Variants in NR1D2 observed in about 807,000 individuals in gnomAD.
NR1D2 encodes the protein nuclear receptor subfamily 1 group D member 2.
A neutral mutation model predicts 52.2 loss-of-function variants in NR1D2; 25 were observed. The observed-to-expected ratio is 0.48, with a 90% CI of 0.35 to 0.67. The LOEUF is 0.67. Ranked by LOEUF, NR1D2 falls within the 30% of genes least tolerant of loss-of-function variation. NR1D2 has a pLI of 0.01. For missense variants in NR1D2, 681 were observed against 707.2 expected, an observed-to-expected ratio of 0.96 and a Z score of 0.42; for synonymous variants, 259 against 230.1, an observed-to-expected ratio of 1.13 and a Z score of -1.14.
At chr3:23,959,574 A>T in intron 3 of NR1D2, 97 bp from the exon 4 acceptor site, 1 of 1,085,364 alleles carries the variant, frequency 9.2e-7, no homozygotes, top group Non-Finnish European at 1.3e-6. Context: ...CTGGGACTGT[A>T]GTTCGTCATA....
intron 1 of NR1D2, among the ~76,000 whole-genome samples, chr3:23,947,008 C>T (rs919780576): frequency 2.6e-5 from 4 of 152,110 alleles, no homozygotes; most frequent in Admixed American, 6.6e-5. Context: ...ATTTTATTTA[C>T]GTATTTTTAG....
chr3:23,958,918 C>T (rs1386233972), intron 3 of NR1D2, among the ~76,000 whole-genome samples: 1 of 151,864 alleles, frequency 6.6e-6, no homozygotes, highest in East Asian at 1.9e-4. Flanking sequence ...CACTGCACTC[C>T]AGCCCGGGCT....
In NR1D2 at chr3:23,962,070, G is replaced by C. The variant is rs776017694; in HGVS notation, c.611G>C (p.Ser204Thr). 4.3e-6 allele frequency: 7 copies of C among 1,614,170 alleles called. No homozygotes were observed. The highest frequency in any genetic ancestry group is 5.9e-6 in the Non-Finnish European group (7 of 1,180,022). Residue 204 changes from serine (S) to threonine (T), a missense_variant, in exon 5 of 8, where the codon AGT becomes ACT. Ser to Thr is a moderately conservative substitution (Grantham distance 58). This residue lies in a region of NR1D2 where 475 missense variants were observed against 454.5 expected (regional missense o/e 1.05). Transcript: ENST00000312521. ...AAGACCATGATGAACAGCCAGTTCAGTGGTCACTTGCAAAATGACACATTA... is the reference window on the plus strand; with the variant it reads ...AAGACCATGATGAACAGCCAGTTCACTGGTCACTTGCAAAATGACACATTA... ...AMKTMMNSQF[S>T]GHLQNDTLVE...
At chr3:23,959,348 T>C (rs1358237937) in intron 3 of NR1D2, among the ~76,000 whole-genome samples, 1 of 152,026 alleles carries the variant, frequency 6.6e-6, no homozygotes, top group Admixed American at 6.5e-5. Flanking sequence ...ATGGAAAATG[T>C]GACTGCAGGC....
In NR1D2 at chr3:23,978,724, T is replaced by A. The variant is rs951428309; in HGVS notation, c.*1305T>A. 2 of 152,086 alleles carry A rather than the reference T, an allele frequency of 1.3e-5. No homozygotes were observed. The highest frequency in any genetic ancestry group is 2.4e-5 in the African/African-American group (1 of 41,438). 9.4% of individuals were successfully genotyped at this position (152,086 alleles called of 1,614,324 possible). On this transcript the variant is annotated 3_prime_UTR_variant, in exon 8 of 8. Coordinates refer to ENST00000312521, the MANE Select transcript of NR1D2 (RefSeq NM_005126.5). The stretch of plus-strand genomic sequence containing the variant: ...TGTGTGTGTGCGTGCGTGTGTATGT[T>A]CTGAGTCCACTTCTTTTTTCCTAAA...
In NR1D2 at chr3:23,953,913, C is replaced by A. The variant is rs368713177; in HGVS notation, c.17-624C>A. On this transcript the variant is annotated intron_variant, in intron 1 of 7. Coordinates refer to ENST00000312521, the MANE Select transcript of NR1D2 (RefSeq NM_005126.5). ...AAGTTACTTAGGAGCATTTTTTAGT[C>A]CTTTTAGGAAAATACTGGAAAATGA... is the stretch of plus-strand genomic sequence containing the variant. Among the ~76,000 whole-genome samples the A allele has an allele frequency of 3.9e-5, 6 of 152,260 alleles. No homozygotes were observed. In the East Asian group the frequency reaches 1.2e-3, roughly 29 times the overall value.
chr3:23,948,660 C>T (rs1705843895), intron 1 of NR1D2, among the ~76,000 whole-genome samples: 1 of 152,188 alleles, frequency 6.6e-6, no homozygotes, highest in Non-Finnish European at 1.5e-5. Flanking sequence ...AAGGAAGGTG[C>T]CGTTGCCACC....
In NR1D2 at chr3:23,977,345, C is replaced by T. The variant is rs1358305222; in HGVS notation, c.1666C>T (p.Leu556=). 6.2e-7 allele frequency: 1 copy of T among 1,613,820 alleles called. No individual in the cohort carries two copies. Among genetic ancestry groups the T allele is most frequent in the South Asian group, 1.1e-5 (1 of 91,068 alleles). Reference sequence around the variant, plus strand: ...GGCCTCTATTTTTACAAAACTGCTTCTAAAGTTGCCAGATCTTCGATCTTT... The same window carrying T: ...GGCCTCTATTTTTACAAAACTGCTTTTAAAGTTGCCAGATCTTCGATCTTT... ...NEASIFTKLL[L]KLPDLRSLNN... is the part of the protein sequence containing the mutation. Residue 556 remains leucine (L), a synonymous_variant, in exon 8 of 8, where the codon CTA becomes TTA. Transcript: ENST00000312521.
At chr3:23,952,802 C>CT (rs2125284198) in intron 1 of NR1D2, among the ~76,000 whole-genome samples, 1 of 151,984 alleles carries the variant, frequency 6.6e-6, no homozygotes, top group East Asian at 1.9e-4. Flanking sequence ...TTTATCTTCC[C>CT]TTCTGGGTTG....
intron 6 of NR1D2, 73 bp downstream of exon 6, chr3:23,965,235 CTTT>C (rs371267256): frequency 0.02 from 6,106 of 305,250 alleles, no homozygotes; most frequent in East Asian, 0.025. Flanking sequence ...TGTTTTAATT[CTTT>C]TTTTTTTTTT....
At chr3:23,972,882 T>C (rs547452003) in intron 7 of NR1D2, among the ~76,000 whole-genome samples, 8 of 152,326 alleles carry the variant, frequency 5.3e-5, no homozygotes, top group Middle Eastern at 3.4e-3. Context: ...GTTTTAGAAA[T>C]GGAGGCTTTA....
intron 7 of NR1D2, among the ~76,000 whole-genome samples, chr3:23,976,712 A>AT (rs1158473804): frequency 1.3e-5 from 2 of 151,938 alleles, no homozygotes; most frequent in African/African-American, 4.8e-5. Context: ...ATTCTGCCAT[A>AT]TTTTTTTTCA....
intron 5 of NR1D2, among the ~76,000 whole-genome samples, chr3:23,963,962 C>G (rs1220105166): frequency 1.3e-5 from 2 of 149,946 alleles, no homozygotes; most frequent in African/African-American, 4.9e-5. Flanking sequence ...CCTATTTTCC[C>G]TCACGCAGTC....
chr3:23,961,679 A>G (rs1428857792), intron 4 of NR1D2, among the ~76,000 whole-genome samples: 1 of 152,038 alleles, frequency 6.6e-6, no homozygotes, highest in Non-Finnish European at 1.5e-5. Context: ...TAGAAGCATG[A>G]GCTACTGCAC....
At position 23,978,514 on chromosome 3, in the gene NR1D2, CATCTTTGGCAAA is replaced by C. The variant is rs1706799918; in HGVS notation, c.*1104_*1115del. 6.6e-6 allele frequency: 1 copy of C among 151,448 alleles called. No homozygotes were observed. Among genetic ancestry groups the C allele is most frequent in the Non-Finnish European group, 1.5e-5 (1 of 67,864 alleles). The allele number at this position is 151,448 out of a possible 1,614,324, so 9.4% of individuals were successfully genotyped here. On this transcript the variant is annotated 3_prime_UTR_variant, in exon 8 of 8. Coordinates refer to ENST00000312521, the MANE Select transcript of NR1D2 (RefSeq NM_005126.5). The stretch of plus-strand genomic sequence containing the variant: ...AAAAAAAAACATGTATTTTAGAGTT[CATCTTTGGCAAA>C]ATCTTTGGTTCAGGGTACTAGTTGT...
chr3:23,967,697 T>C (rs1286973632), intron 6 of NR1D2, 116 bp from the exon 7 acceptor site: 1 of 760,726 alleles, frequency 1.3e-6, no homozygotes, highest in Non-Finnish European at 2.1e-6. Flanking sequence ...CCTGTTTTTC[T>C]TTTATAACTT....
intron 1 of NR1D2, 107 bp from the exon 2 acceptor site, chr3:23,954,430 A>G (rs1706029402): frequency 4.4e-6 from 4 of 914,268 alleles, no homozygotes; most frequent in South Asian, 1.6e-5. Flanking sequence ...AACATTTCAT[A>G]TCAGTATCCT....
intron 1 of NR1D2, chr3:23,946,505 A>G (rs1705718262): frequency 1.2e-5 from 2 of 161,690 alleles, no homozygotes; most frequent in African/African-American, 2.4e-5. Context: ...TCTGTTTACA[A>G]AAAAAACCGT....
rs1197425892 is a variant in NR1D2, at chr3:23,979,746, A to G, written c.*2327A>G. 1 of 152,150 alleles carries G rather than the reference A, an allele frequency of 6.6e-6. No individual in the cohort carries two copies. The highest frequency in any genetic ancestry group is 1.5e-5 in the Non-Finnish European group (1 of 67,974). 9.4% of individuals were successfully genotyped at this position (152,150 alleles called of 1,614,324 possible). A position where few individuals can be genotyped will look rare whatever the true frequency, so the allele number is the denominator to read the frequency against. On this transcript the variant is annotated 3_prime_UTR_variant, in exon 8 of 8. Transcript: ENST00000312521. ...ATTAAACCAGCAGCCTATTACAAGC[A>G]CATTCTTTGATTGAGTCATTGGTTA...
Sources: gnomAD v4.1 joint callset for allele counts (sites outside exome capture counted in the v4.1 genomes callset) on GRCh38, gnomAD v4.1.1 for gene constraint, gnomAD v4.1.1 regional missense constraint, MANE v1.5 for transcripts, NCBI Gene and HGNC (gene_info 2026-07-23, HGNC 2026-07-21) for gene names.